Variants in INO80E observed in about 807,000 individuals in gnomAD.
INO80E encodes coiled-coil domain containing 95.
INO80E carries 20 observed loss-of-function variants against 27.3 expected under a neutral mutation model. The observed-to-expected ratio is 0.73, with a 90% CI of 0.51 to 1.06. The LOEUF (loss-of-function observed/expected upper bound fraction) is 1.06, where lower values mean the gene tolerates loss of function less well. INO80E is among the 50% of genes least tolerant of loss of function. The pLI is 0.00. For synonymous variants in INO80E, 167 were observed against 145.9 expected (o/e 1.14, Z -1.04); for missense variants, 357 against 322.8 (o/e 1.11, Z -0.81).
chr16:30,000,025 C>T (rs993858619), intron 3 of INO80E, among the ~76,000 whole-genome samples: 6 of 152,090 alleles, frequency 3.9e-5, no homozygotes, highest in Non-Finnish European at 8.8e-5. Flanking sequence ...CTGCTCAGCT[C>T]AGAGGCAAGG....
chr16:30,003,180 G>C lies in INO80E; in HGVS notation c.513+1650G>C, dbSNP rs925484885. 1 of 152,340 alleles carries C rather than the reference G, an allele frequency of 6.6e-6. No homozygotes were observed. The highest frequency in any genetic ancestry group is 1.5e-5 in the Non-Finnish European group (1 of 68,210). 9.4% of individuals were successfully genotyped at this position (152,340 alleles called of 1,614,324 possible). ...TTCTGGAGAGAAGGTTTGAGAGGGTGGCCCAGGTCCATGGCTGTCGGGGGA... is the reference window on the plus strand; with the variant it reads ...TTCTGGAGAGAAGGTTTGAGAGGGTCGCCCAGGTCCATGGCTGTCGGGGGA... On this transcript the variant is annotated intron_variant, in intron 6 of 6. Coordinates refer to ENST00000563197, the MANE Select transcript of INO80E (RefSeq NM_173618.3). The surrounding 1 kb of genome is among the most constrained non-coding windows in gnomAD (Gnocchi z 4.4).
In INO80E at chr16:29,996,318, G is replaced by T. The variant is rs760841310; in HGVS notation, c.8G>T (p.Gly3Val). 4 of 1,594,720 alleles carry T rather than the reference G, an allele frequency of 2.5e-6. No homozygotes were observed. Among genetic ancestry groups the T allele is most frequent in the African/African-American group, 1.3e-5 (1 of 74,580 alleles). MN[G>V]PADGEVDYKK... Reference sequence around the variant, plus strand: ...GCCACTCCCGGGCCGGTCATGAACGGGCCGGCGGACGGCGAAGTGGACTAC... The same window carrying T: ...GCCACTCCCGGGCCGGTCATGAACGTGCCGGCGGACGGCGAAGTGGACTAC... Residue 3 changes from glycine (G) to valine (V), a missense_variant, in exon 1 of 7, where the codon GGG becomes GTG. Coordinates refer to ENST00000563197, the MANE Select transcript of INO80E (RefSeq NM_173618.3).
At chr16:29,998,601 G>T (rs964233442) in intron 3 of INO80E, among the ~76,000 whole-genome samples, 1 of 151,980 alleles carries the variant, frequency 6.6e-6, no homozygotes, top group African/African-American at 2.4e-5. Context: ...TTTAATGCTG[G>T]TTGCAAACCA....
chr16:30,005,329 A>AC lies in INO80E; in HGVS notation c.622_623insC (p.Met208ThrfsTer20). On this transcript the variant is annotated frameshift_variant, in exon 7 of 7. Transcript: ENST00000563197. LOFTEE classifies it high-confidence loss of function. ...CCTGACCCCCCTCCCACCCCCTAAG[A>AC]TGCCCCCCCCCACGATCCTGAGCAC... is the stretch of plus-strand genomic sequence containing the variant. The AC allele has an allele frequency of 2.1e-6, 1 of 469,918 alleles. No individual in the cohort carries two copies. The highest frequency in any genetic ancestry group is 3.0e-6 in the Non-Finnish European group (1 of 338,172). 29.1% of individuals were successfully genotyped at this position (469,918 alleles called of 1,614,324 possible). A position where few individuals can be genotyped will look rare whatever the true frequency, so the allele number is the denominator to read the frequency against.
intron 1 of INO80E, 53 bp from the exon 2 acceptor site, chr16:29,996,494 G>A: frequency 6.4e-7 from 1 of 1,551,748 alleles, no homozygotes; most frequent in Non-Finnish European, 8.7e-7. Flanking sequence ...CGCTGGTTCC[G>A]GGGCCCTTCA....
At chr16:30,002,459 T>C (rs1353811093) in intron 6 of INO80E, 1 of 152,440 alleles carries the variant, frequency 6.6e-6, no homozygotes, top group African/African-American at 2.4e-5. Flanking sequence ...GAGAACAGAC[T>C]GAGCGGTGGA....
At position 29,996,244 on chromosome 16, in the gene INO80E, A is replaced by AGCGT; in HGVS notation, c.-64_-63insTGCG. On this transcript the variant is annotated 5_prime_UTR_variant, in exon 1 of 7. Transcript: ENST00000563197. ...CAGCGTCTCCGGAAGTGGAGGCGGG[A>AGCGT]GCGGCACGGCAGCCACTGCTTGGGG... The AGCGT allele has an allele frequency of 6.9e-7, 1 of 1,454,406 alleles. No individual in the cohort carries two copies. Among genetic ancestry groups the AGCGT allele is most frequent in the Non-Finnish European group, 9.4e-7 (1 of 1,061,088 alleles). The allele number at this position is 1,454,406 out of a possible 1,614,324, so 90.1% of individuals were successfully genotyped here. A position where few individuals can be genotyped will look rare whatever the true frequency, so the allele number is the denominator to read the frequency against.
chr16:30,001,892 C>A, intron 6 of INO80E: 1 of 226,640 alleles, frequency 4.4e-6, no homozygotes, highest in Non-Finnish European at 8.8e-6. Flanking sequence ...CTGTTAGAAA[C>A]CACGTGGCCT....
intron 3 of INO80E, chr16:29,999,155 T>C (rs919477072): frequency 2.6e-5 from 4 of 152,274 alleles, no homozygotes; most frequent in Admixed American, 6.5e-5. Flanking sequence ...TGCTTGTTAT[T>C]ATAGGAGGAT....
intron 3 of INO80E, among the ~76,000 whole-genome samples, chr16:29,997,829 T>C (rs1487971580): frequency 6.7e-6 from 1 of 150,108 alleles, no homozygotes; most frequent in African/African-American, 2.5e-5. Context: ...AATGGAGTAC[T>C]CAAGAAAGGC....
chr16:30,005,118 C>T, intron 6 of INO80E, 103 bp from the exon 7 acceptor site: 1 of 1,288,094 alleles, frequency 7.8e-7, no homozygotes, highest in South Asian at 1.8e-5. Flanking sequence ...GTGCCCAGGG[C>T]CTCTTCCCCC....
At chr16:30,000,690 G>A (rs2070313882) in intron 3 of INO80E, 68 bp from the exon 4 acceptor site, 2 of 1,309,108 alleles carry the variant, frequency 1.5e-6, no homozygotes, top group Non-Finnish European at 2.2e-6. Flanking sequence ...GTAGTGTAGA[G>A]GAGGTTATAC....
At chr16:30,005,166 T>C in intron 6 of INO80E, 55 bp from the exon 7 acceptor site, 2 of 1,426,566 alleles carry the variant, frequency 1.4e-6, no homozygotes, top group Non-Finnish European at 1.8e-6. Context: ...CCTAGTCTCC[T>C]GAGGCCCCAG....
In INO80E at chr16:30,000,948, G is replaced by A; in HGVS notation, c.304G>A (p.Gly102Arg). ...CTCCAGGAAGAGAAGCCCTCCGCTG[G>A]GGGGCGCCCCCTCTCCCTCCAGCCT... is the stretch of plus-strand genomic sequence containing the variant. ...APKRKRSPPLGGAPSPSSLSL... is the reference protein window; with the variant it reads ...APKRKRSPPLRGAPSPSSLSL... The change falls in exon 5 of 7, where the codon GGG (glycine) becomes AGG (arginine). Residue 102 changes from glycine to arginine, a missense_variant. Gly to Arg is a moderately radical substitution (Grantham distance 125). Transcript: ENST00000563197. 6.3e-7 allele frequency: 1 copy of A among 1,587,062 alleles called. No individual in the cohort carries two copies. The highest frequency in any genetic ancestry group is 8.6e-7 in the Non-Finnish European group (1 of 1,162,986).
Position 30,001,540 on chromosome 16 carries a change from C to A in INO80E, c.513+10C>A. The A allele has an allele frequency of 1.2e-6, 2 of 1,609,608 alleles. No individual in the cohort carries two copies. The highest frequency in any genetic ancestry group is 1.7e-6 in the Non-Finnish European group (2 of 1,177,888). ...GCCCCGGAAACTCAAGGTACCCTGACGTGGGGGTGCTAGGGAGGGGCAGGA... is the reference window on the plus strand; with the variant it reads ...GCCCCGGAAACTCAAGGTACCCTGAAGTGGGGGTGCTAGGGAGGGGCAGGA... On this transcript the variant is annotated intron_variant, in intron 6 of 6. Transcript: ENST00000563197.
At position 30,005,738 on chromosome 16, in the gene INO80E, G is replaced by A. The variant is rs138990820; in HGVS notation, c.*296G>A. 151 of 508,846 alleles carry A rather than the reference G, an allele frequency of 3.0e-4. No individual in the cohort carries two copies. The highest frequency in any genetic ancestry group is 2.6e-3 in the African/African-American group (134 of 50,568). The allele number at this position is 508,846 out of a possible 1,614,324, so 31.5% of individuals were successfully genotyped here. ...TGGCCACCTCTTTAAAAGGGCAGCTGTACAGGGCTAGGTTTTTTCAATGAA... is the reference window on the plus strand; with the variant it reads ...TGGCCACCTCTTTAAAAGGGCAGCTATACAGGGCTAGGTTTTTTCAATGAA... On this transcript the variant is annotated 3_prime_UTR_variant, in exon 7 of 7. Coordinates refer to ENST00000563197, the MANE Select transcript of INO80E (RefSeq NM_173618.3).
chr16:30,004,242 GCC>G (rs1255260946), intron 6 of INO80E: 1 of 152,322 alleles, frequency 6.6e-6, no homozygotes, highest in East Asian at 1.9e-4. Flanking sequence ...CCCGTTTCCC[GCC>G]CCCCAGTGTC....
At position 30,005,759 on chromosome 16, in the gene INO80E, A is replaced by G. The variant is rs777928473; in HGVS notation, c.*317A>G. ...AGCTGTACAGGGCTAGGTTTTTTCA[A>G]TGAAGTTTCTGTATTAAAGGAGTGG... On this transcript the variant is annotated 3_prime_UTR_variant, in exon 7 of 7. Transcript: ENST00000563197. 53 of 469,008 alleles carry G rather than the reference A, an allele frequency of 1.1e-4. No individual in the cohort carries two copies. Among genetic ancestry groups the G allele is most frequent in the African/African-American group, 5.1e-4 (25 of 49,386 alleles). The allele number at this position is 469,008 out of a possible 1,614,324, so 29.1% of individuals were successfully genotyped here.
chr16:30,000,103 T>C (rs1304362861), intron 3 of INO80E, among the ~76,000 whole-genome samples: 1 of 152,184 alleles, frequency 6.6e-6, no homozygotes. Context: ...CACCTTACTT[T>C]CTGAGCCTCG....
Sources: gnomAD v4.1 joint callset for allele counts (sites outside exome capture counted in the v4.1 genomes callset) on GRCh38, gnomAD v4.1.1 for gene constraint, Gnocchi (gnomAD v3.1) non-coding constraint, MANE v1.5 for transcripts, NCBI Gene and HGNC (gene_info 2026-07-23, HGNC 2026-07-21) for gene names.